Variants in GRM4 observed in about 807,000 individuals in gnomAD.
GRM4 encodes metabotropic glutamate receptor 4.
In GRM4, 28 loss-of-function variants were observed where a neutral mutation model predicts 81.7. The ratio of observed to expected loss-of-function variants is 0.34; its 90% CI spans 0.25 to 0.47. The LOEUF (loss-of-function observed/expected upper bound fraction) is 0.47. Among genes scored for constraint, GRM4 ranks in the 20% least tolerant of loss-of-function variants. The probability of loss-of-function intolerance (pLI) is 1.00; values close to 1 mark genes in which losing one functional copy is unlikely to be tolerated. For missense variants in GRM4, 948 were observed against 1,290.0 expected (o/e 0.73, Z 4.06); for synonymous variants, 488 against 528.8 (o/e 0.92, Z 1.06).
chr6:34,154,165 C>CCTTGACCTCT (rs1350294534), intron 1 of GRM4, among the ~76,000 whole-genome samples: 7 of 152,340 alleles, frequency 4.6e-5, no homozygotes, highest in South Asian at 4.1e-4. Context: ...ACCTCTCCAG[C>CCTTGACCTCT]CCAGGTTTCC....
In GRM4 at chr6:34,047,473, A is replaced by G. The variant is rs952524315; in HGVS notation, c.1169-6725T>C. 1.3e-5 allele frequency among the ~76,000 whole-genome samples: 2 copies of G among 151,894 alleles called. No homozygotes were observed. The highest frequency in any genetic ancestry group is 6.6e-5 in the Admixed American group (1 of 15,252). ...AGGCTCACCATCCCACAAGCCCCCA[A>G]ATTCCCAGAAGTCACCAGCCAGGAT... On this transcript the variant is annotated intron_variant, in intron 6 of 10. Coordinates refer to ENST00000538487, the MANE Select transcript of GRM4 (RefSeq NM_000841.4). The surrounding 1 kb of genome is among the most constrained non-coding windows in gnomAD (Gnocchi z 4.5).
chr6:34,141,139 G>C (rs1243128297), intron 1 of GRM4, among the ~76,000 whole-genome samples: 2 of 152,248 alleles, frequency 1.3e-5, no homozygotes, highest in Admixed American at 1.3e-4. Flanking sequence ...GGGCTAGCTT[G>C]TGTCACCCTA....
Position 34,019,819 on chromosome 6 carries a change from C to A in GRM4, c.*3002G>T, listed in dbSNP as rs1763807079. 1 of 152,212 alleles carries A rather than the reference C, an allele frequency of 6.6e-6. No individual in the cohort carries two copies. The highest frequency in any genetic ancestry group is 1.5e-5 in the Non-Finnish European group (1 of 68,056). 9.4% of individuals were successfully genotyped at this position (152,212 alleles called of 1,614,324 possible). Reference sequence around the variant, plus strand: ...AATTGAGGATGAGAGCAAAGGTGAGCAGCCAAGCCAATTGTGAAGGGCCAG... The same window carrying A: ...AATTGAGGATGAGAGCAAAGGTGAGAAGCCAAGCCAATTGTGAAGGGCCAG... On this transcript the variant is annotated 3_prime_UTR_variant, in exon 11 of 11. Transcript: ENST00000538487.
chr6:34,145,130 G>C (rs1404024775), intron 1 of GRM4, among the ~76,000 whole-genome samples: 1 of 151,998 alleles, frequency 6.6e-6, no homozygotes, highest in Non-Finnish European at 1.5e-5. Context: ...GGTCGGCTGC[G>C]TGCCGGCCTG....
At chr6:34,131,867 C>G (rs1770248472) in intron 2 of GRM4, among the ~76,000 whole-genome samples, 2 of 152,116 alleles carry the variant, frequency 1.3e-5, no homozygotes, top group South Asian at 2.1e-4. Flanking sequence ...AATCTGACAC[C>G]AGGGTGAGGG....
chr6:34,102,059 A>AG (rs1561813903), intron 2 of GRM4: 2 of 1,535,602 alleles, frequency 1.3e-6, no homozygotes, highest in Non-Finnish European at 1.7e-6. Flanking sequence ...TGAAGTCCTA[A>AG]GGGTCCTCTT....
rs763231963 is a variant in GRM4, at chr6:34,062,021, C to G, written c.744G>C (p.Val248=). 6 of 1,610,272 alleles carry G rather than the reference C, an allele frequency of 3.7e-6. No homozygotes were observed. Among genetic ancestry groups the G allele is most frequent in the Non-Finnish European group, 5.1e-6 (6 of 1,177,126 alleles). ...GTATCTTCACCGACTGGGCGATGCACACGCCCCCTGCAGGAGGGGCACCAG... is the reference window on the plus strand; with the variant it reads ...GTATCTTCACCGACTGGGCGATGCAGACGCCCCCTGCAGGAGGGGCACCAG... ...FIQKSREDGG[V]CIAQSVKIPR... Residue 248 remains valine (V), a synonymous_variant, in exon 4 of 11, where the codon GTG becomes GTC. Coordinates refer to ENST00000538487, the MANE Select transcript of GRM4 (RefSeq NM_000841.4).
intron 6 of GRM4, among the ~76,000 whole-genome samples, chr6:34,052,837 T>G (rs1765681190): frequency 6.6e-6 from 1 of 152,204 alleles, no homozygotes; most frequent in Non-Finnish European, 1.5e-5. Context: ...CTGACAACTC[T>G]CTAGCTCTGT....
chr6:34,122,624 G>A (rs865931790), intron 2 of GRM4, among the ~76,000 whole-genome samples: 5 of 145,778 alleles, frequency 3.4e-5, no homozygotes, highest in African/African-American at 7.4e-5. Context: ...CGGGGGGTGG[G>A]GGGGGCAGCT....
At chr6:34,107,624 A>C (rs1418175636) in intron 2 of GRM4, among the ~76,000 whole-genome samples, 1 of 152,172 alleles carries the variant, frequency 6.6e-6, no homozygotes, top group Non-Finnish European at 1.5e-5. Flanking sequence ...GGCAAAACCC[A>C]GGTGAAGAGG....
At chr6:34,071,948 A>C in intron 3 of GRM4, among the ~76,000 whole-genome samples, 1 of 143,704 alleles carries the variant, frequency 7.0e-6, no homozygotes, top group Non-Finnish European at 1.5e-5. Flanking sequence ...ACACACACAT[A>C]TCACCACACA....
At position 34,036,834 on chromosome 6, in the gene GRM4, C is replaced by G. The variant is rs3778062; in HGVS notation, c.1507-231G>C. Among the ~76,000 whole-genome samples the G allele has an allele frequency of 0.039, 5,980 of 152,232 alleles. 216 individuals carry two copies. The highest frequency in any genetic ancestry group is 0.088 in the African/African-American group (3,671 of 41,510). On this transcript the variant is annotated intron_variant, in intron 8 of 10. Coordinates refer to ENST00000538487, the MANE Select transcript of GRM4 (RefSeq NM_000841.4). This position sits in a 1 kb window ranked among gnomAD's most constrained non-coding sequence, Gnocchi z 9.0. ...ACCTACAGGGAATCCTGACTGAACC[C>G]GAAACTCTCAAGACTCATATGAAGA...
intron 6 of GRM4, among the ~76,000 whole-genome samples, chr6:34,044,875 CAT>C (rs1165364353): frequency 2.0e-5 from 3 of 150,192 alleles, no homozygotes; most frequent in Non-Finnish European, 4.4e-5. Flanking sequence ...CATACATACA[CAT>C]ATATACAGAC....
rs1221338625 is a variant in GRM4, at chr6:34,035,089, G to A, written c.2442+579C>T. ...GGGGGGTCCCATGGGGATCTTGTGA[G>A]GGGTAGATGGAGGAGGGAGAAGAGA... On this transcript the variant is annotated intron_variant, in intron 9 of 10. Coordinates refer to ENST00000538487, the MANE Select transcript of GRM4 (RefSeq NM_000841.4). The surrounding 1 kb of genome is among the most constrained non-coding windows in gnomAD (Gnocchi z 6.6). Among the ~76,000 whole-genome samples, 2 of 152,156 alleles carry A rather than the reference G, an allele frequency of 1.3e-5. No homozygotes were observed. The highest frequency in any genetic ancestry group is 2.9e-5 in the Non-Finnish European group (2 of 68,044).
chr6:34,092,147 T>A lies in GRM4; in HGVS notation c.520-48A>T. On this transcript the variant is annotated intron_variant, in intron 2 of 10. Coordinates refer to ENST00000538487, the MANE Select transcript of GRM4 (RefSeq NM_000841.4). This position sits in a 1 kb window ranked among gnomAD's most constrained non-coding sequence, Gnocchi z 6.8. ...GAGGGTGGCGACTGGCTCCCCACCC[T>A]GCCTAGCCAGCCCCATTCCCCTACA... The A allele has an allele frequency of 7.5e-7, 1 of 1,326,634 alleles. No individual in the cohort carries two copies. The highest frequency in any genetic ancestry group is 1.1e-6 in the Non-Finnish European group (1 of 937,680). The allele number at this position is 1,326,634 out of a possible 1,614,324, so 82.2% of individuals were successfully genotyped here.
chr6:34,133,720 G>C lies in GRM4; in HGVS notation c.-224C>G. On this transcript the variant is annotated 5_prime_UTR_variant, in exon 2 of 11. Transcript: ENST00000538487. The surrounding 1 kb of genome is among the most constrained non-coding windows in gnomAD (Gnocchi z 6.5). ...GCCCACAGACAGCAGGCAGTGGCCG[G>C]GGTTGCAGGAAGGCTCTGATCCTTG... The C allele has an allele frequency of 7.7e-7, 1 of 1,301,582 alleles. No homozygotes were observed. The highest frequency in any genetic ancestry group is 9.7e-7 in the Non-Finnish European group (1 of 1,029,848). 80.6% of individuals were successfully genotyped at this position (1,301,582 alleles called of 1,614,324 possible).
chr6:34,104,166 G>A (rs1006283771), intron 2 of GRM4, among the ~76,000 whole-genome samples: 2 of 152,234 alleles, frequency 1.3e-5, no homozygotes, highest in African/African-American at 4.8e-5. Flanking sequence ...GATGACCTTA[G>A]GTCACACCCA....
intron 9 of GRM4, among the ~76,000 whole-genome samples, chr6:34,029,062 A>G (rs970415873): frequency 1.3e-5 from 2 of 152,198 alleles, no homozygotes; most frequent in Non-Finnish European, 2.9e-5. Context: ...ACAATAGTAG[A>G]GCCTTCCAGG....
At position 34,059,605 on chromosome 6, in the gene GRM4, C is replaced by A; in HGVS notation, c.873-477G>T. The A allele has an allele frequency of 5.8e-6, 1 of 171,800 alleles. No individual in the cohort carries two copies. The allele number at this position is 171,800 out of a possible 1,614,324, so 10.6% of individuals were successfully genotyped here. A position where few individuals can be genotyped will look rare whatever the true frequency, so the allele number is the denominator to read the frequency against. ...CCCCTCTGCACATGCTGCCTTCTGC[C>A]CACAGCTCCCTCTTCATTCACCGCC... On this transcript the variant is annotated intron_variant, in intron 4 of 10. Transcript: ENST00000538487. This position sits in a 1 kb window ranked among gnomAD's most constrained non-coding sequence, Gnocchi z 5.7.
Sources: allele counts gnomAD v4.1 joint callset (sites outside exome capture counted in the v4.1 genomes callset), GRCh38; gene constraint gnomAD v4.1.1; non-coding constraint Gnocchi (gnomAD v3.1); transcripts MANE v1.5; gene names NCBI Gene and HGNC (gene_info 2026-07-23, HGNC 2026-07-21).